Variants in ITPK1 observed in about 807,000 individuals in gnomAD.
The protein encoded by ITPK1 is inositol-tetrakisphosphate 1-kinase.
Under a neutral mutation model 45.3 loss-of-function variants are expected in ITPK1, and 21 were observed. The observed-to-expected ratio is 0.46, with a 90% confidence interval of 0.33 to 0.67. The LOEUF (loss-of-function observed/expected upper bound fraction) is 0.67, where lower values mean the gene tolerates loss of function less well. Among genes scored for constraint, ITPK1 ranks in the 30% least tolerant of loss-of-function variants. ITPK1 has a pLI of 0.02. For missense variants in ITPK1, 474 were observed against 573.5 expected, an observed-to-expected ratio of 0.83 and a Z score of 1.77; for synonymous variants, 258 against 253.6, an observed-to-expected ratio of 1.02 and a Z score of -0.16.
At chr14:92,949,382 G>A (rs1887850787) in intron 9 of ITPK1, among the ~76,000 whole-genome samples, 1 of 152,226 alleles carries the variant, frequency 6.6e-6, no homozygotes, top group African/African-American at 2.4e-5. Flanking sequence ...TTAAAGGTAT[G>A]AGCCACCGCG....
At chr14:93,104,791 C>T (rs543127300) in intron 2 of ITPK1, among the ~76,000 whole-genome samples, 3 of 152,218 alleles carry the variant, frequency 2.0e-5, no homozygotes, top group Non-Finnish European at 4.4e-5. Flanking sequence ...GAGGAAGCAA[C>T]ACAGCCCTGC....
intron 2 of ITPK1, among the ~76,000 whole-genome samples, chr14:93,106,535 T>A (rs937222329): frequency 6.6e-6 from 1 of 152,208 alleles, no homozygotes; most frequent in Admixed American, 6.5e-5. Flanking sequence ...CTTTAGCTCC[T>A]GGAGAGAGCT....
chr14:93,060,745 C>G (rs1478480767), intron 3 of ITPK1, among the ~76,000 whole-genome samples: 1 of 152,142 alleles, frequency 6.6e-6, no homozygotes, highest in Non-Finnish European at 1.5e-5. Flanking sequence ...TAGGCAACAG[C>G]AGATCTGAGT....
intron 3 of ITPK1, among the ~76,000 whole-genome samples, chr14:93,023,302 G>A (rs922082048): frequency 6.6e-6 from 1 of 152,214 alleles, no homozygotes; most frequent in Admixed American, 6.5e-5. Context: ...CGTTTCCTGG[G>A]CAGAGCATGT....
At chr14:93,039,098 CCCAG>C (rs758457598) in intron 3 of ITPK1, among the ~76,000 whole-genome samples, 5 of 152,218 alleles carry the variant, frequency 3.3e-5, no homozygotes, top group African/African-American at 4.8e-5. Context: ...CCTGCATACG[CCCAG>C]CTCTCACGGG....
chr14:93,067,741 C>A (rs1246453537), intron 3 of ITPK1: 2 of 152,374 alleles, frequency 1.3e-5, no homozygotes, highest in Non-Finnish European at 2.9e-5. Context: ...ATTTATATAA[C>A]CCTTCCCAGC....
intron 2 of ITPK1, among the ~76,000 whole-genome samples, chr14:93,095,828 A>G (rs1371001203): frequency 3.3e-5 from 5 of 151,442 alleles, no homozygotes; most frequent in Non-Finnish European, 7.4e-5. Flanking sequence ...GTTCCCATCT[A>G]TAAGTAAGAA....
chr14:92,975,753 C>T (rs981010118), intron 5 of ITPK1, among the ~76,000 whole-genome samples: 4 of 152,210 alleles, frequency 2.6e-5, no homozygotes, highest in Non-Finnish European at 5.9e-5. Flanking sequence ...TGCAGTAGAA[C>T]CATAAATTAT....
At chr14:92,960,330 C>T (rs760128721) in intron 7 of ITPK1, among the ~76,000 whole-genome samples, 31 of 152,208 alleles carry the variant, frequency 2.0e-4, no homozygotes, top group Non-Finnish European at 4.0e-4. Context: ...AGGGGTGCAC[C>T]TGGATCCAGA....
chr14:93,109,309 G>A (rs902509009), intron 2 of ITPK1, among the ~76,000 whole-genome samples: 3 of 151,086 alleles, frequency 2.0e-5, no homozygotes, highest in Non-Finnish European at 4.4e-5. Context: ...AATACATATG[G>A]AGAGACCTAC....
At chr14:93,010,097 A>G (rs1479389692) in intron 4 of ITPK1, among the ~76,000 whole-genome samples, 3 of 152,184 alleles carry the variant, frequency 2.0e-5, no homozygotes, top group Non-Finnish European at 4.4e-5. Flanking sequence ...GAGCCCTCCC[A>G]TGGCTCCCTG....
intron 3 of ITPK1, chr14:93,068,004 CAAAA>C (rs11292611): frequency 6.0e-5 from 8 of 134,402 alleles, no homozygotes; most frequent in Non-Finnish European, 8.2e-5. Context: ...AGAGGGGAGG[CAAAA>C]AAAAAAAAAA....
chr14:92,962,466 C>G, intron 6 of ITPK1, 71 bp from the exon 7 acceptor site: 1 of 1,055,228 alleles, frequency 9.5e-7, no homozygotes. Context: ...GTACTTGGCA[C>G]GTCTAGAAAG....
intron 10 of ITPK1, among the ~76,000 whole-genome samples, chr14:92,943,224 A>G (rs1887518985): frequency 6.6e-6 from 1 of 152,218 alleles, no homozygotes; most frequent in African/African-American, 2.4e-5. Context: ...CATGACCGTT[A>G]ACCACCACGG....
At chr14:93,100,570 GAGAC>G (rs72010726) in intron 2 of ITPK1, among the ~76,000 whole-genome samples, 25,706 of 151,118 alleles carry the variant, frequency 0.17, 2,645 homozygotes, top group South Asian at 0.32. Flanking sequence ...GAGAGAGAGA[GAGAC>G]AGACAGACAG....
At chr14:93,087,299 C>T (rs890321486) in intron 2 of ITPK1, among the ~76,000 whole-genome samples, 2 of 152,228 alleles carry the variant, frequency 1.3e-5, no homozygotes, top group African/African-American at 4.8e-5. Context: ...CTTGTAATTA[C>T]ACCAGGCCCA....
intron 5 of ITPK1, among the ~76,000 whole-genome samples, chr14:92,970,943 C>T (rs1349267295): frequency 6.6e-6 from 1 of 152,168 alleles, no homozygotes; most frequent in Non-Finnish European, 1.5e-5. Context: ...CTTACAGCAT[C>T]TTTTGAAAGT....
chr14:93,069,485 T>G (rs2139969324), intron 3 of ITPK1: 1 of 154,146 alleles, frequency 6.5e-6, no homozygotes, highest in South Asian at 2.1e-4. Context: ...ACACCTCGCC[T>G]CCTGCCAGCC....
intron 5 of ITPK1, among the ~76,000 whole-genome samples, chr14:92,970,932 C>G (rs932702013): frequency 3.3e-5 from 5 of 152,142 alleles, no homozygotes; most frequent in Admixed American, 6.5e-5. Flanking sequence ...ACCGGGCCAG[C>G]CTTACAGCAT....
Sources: allele counts gnomAD v4.1 joint callset (sites outside exome capture counted in the v4.1 genomes callset), GRCh38; gene constraint gnomAD v4.1.1; transcripts MANE v1.5; gene names NCBI Gene and HGNC (gene_info 2026-07-23, HGNC 2026-07-21).